Variants in PRKCZ observed in about 807,000 individuals in gnomAD.
PRKCZ encodes the protein protein kinase C zeta type.
PRKCZ carries 33 observed loss-of-function variants against 79.5 expected under a neutral mutation model. The ratio of observed to expected loss-of-function variants is 0.41; its 90% CI spans 0.31 to 0.55. The LOEUF (loss-of-function observed/expected upper bound fraction) is 0.55. Among genes scored for constraint, PRKCZ ranks in the 20% least tolerant of loss-of-function variants. The pLI is 0.19. For missense variants in PRKCZ, 578 were observed against 813.5 expected (o/e 0.71, Z 3.52); for synonymous variants, 342 against 320.9 (o/e 1.07, Z -0.70).
At chr1:2,153,266 C>G (rs529349585) in intron 9 of PRKCZ, among the ~76,000 whole-genome samples, 1 of 152,244 alleles carries the variant, frequency 6.6e-6, no homozygotes, top group African/African-American at 2.4e-5. Context: ...TGGTCTTTTG[C>G]TTTCATTCCT....
rs534994086 is a variant in PRKCZ, at chr1:2,104,783, C to T, written c.335-30479C>T. On this transcript the variant is annotated intron_variant, in intron 4 of 17. Coordinates refer to ENST00000378567, the MANE Select transcript of PRKCZ (RefSeq NM_002744.6). ...GCCTGCGGGGCTCACTGCTGCCCCCCGGGGCCGAGCACGAAAGGGAGAGTT... is the reference window on the plus strand; with the variant it reads ...GCCTGCGGGGCTCACTGCTGCCCCCTGGGGCCGAGCACGAAAGGGAGAGTT... 80 of 985,914 alleles carry T rather than the reference C, an allele frequency of 8.1e-5. 1 individual carries two copies. The highest frequency in any genetic ancestry group is 5.7e-4 in the East Asian group (5 of 8,808). The allele number at this position is 985,914 out of a possible 1,614,324, so 61.1% of individuals were successfully genotyped here.
chr1:2,065,152 G>T (rs963348381), intron 4 of PRKCZ, among the ~76,000 whole-genome samples: 5 of 152,136 alleles, frequency 3.3e-5, no homozygotes, highest in South Asian at 2.1e-4. Flanking sequence ...GTTGTTTATT[G>T]TAAGTGTATA....
intron 4 of PRKCZ, among the ~76,000 whole-genome samples, chr1:2,129,579 C>T (rs1448627464): frequency 1.3e-5 from 2 of 152,170 alleles, no homozygotes; most frequent in African/African-American, 2.4e-5. Context: ...GCCATGGATC[C>T]TGTCTCATTA....
Position 2,127,372 on chromosome 1 carries a change from A to G in PRKCZ, c.335-7890A>G, listed in dbSNP as rs1439821304. On this transcript the variant is annotated intron_variant, in intron 4 of 17. Coordinates refer to ENST00000378567, the MANE Select transcript of PRKCZ (RefSeq NM_002744.6). The surrounding 1 kb of genome is among the most constrained non-coding windows in gnomAD (Gnocchi z 5.1). ...CTTGCGATCCGGGCAGGTCCCTCAG[A>G]TGGAGGGGCTGCACCTCCACTGCCC... is the stretch of plus-strand genomic sequence containing the variant. Among the ~76,000 whole-genome samples, 1 of 152,096 alleles carries G rather than the reference A, an allele frequency of 6.6e-6. No homozygotes were observed.
intron 4 of PRKCZ, among the ~76,000 whole-genome samples, chr1:2,114,991 C>T (rs896527675): frequency 2.0e-5 from 3 of 152,272 alleles, no homozygotes; most frequent in South Asian, 2.1e-4. Flanking sequence ...CAAACTGCAC[C>T]GCGTCACATA....
At chr1:2,073,821 C>T (rs562894013) in intron 4 of PRKCZ, 53 of 1,033,816 alleles carry the variant, frequency 5.1e-5, no homozygotes, top group South Asian at 1.1e-4. Flanking sequence ...GGGCCGGAGG[C>T]GAGCCGACGC....
intron 4 of PRKCZ, among the ~76,000 whole-genome samples, chr1:2,070,037 C>G (rs760161125): frequency 6.6e-6 from 1 of 152,186 alleles, no homozygotes; most frequent in African/African-American, 2.4e-5. Context: ...GTCAGCTGGA[C>G]CAGGCCTCCG....
chr1:2,079,067 C>A (rs1350472580), intron 4 of PRKCZ, among the ~76,000 whole-genome samples: 1 of 152,198 alleles, frequency 6.6e-6, no homozygotes, highest in East Asian at 1.9e-4. Context: ...TGGTCTCGAT[C>A]TTCTGACCTT....
Position 2,168,799 on chromosome 1 carries a change from C to G in PRKCZ, c.975-719C>G. The G allele has an allele frequency of 5.1e-6, 1 of 196,868 alleles. No homozygotes were observed. Among genetic ancestry groups the G allele is most frequent in the Non-Finnish European group, 1.1e-5 (1 of 93,226 alleles). 12.2% of individuals were successfully genotyped at this position (196,868 alleles called of 1,614,324 possible). A position where few individuals can be genotyped will look rare whatever the true frequency, so the allele number is the denominator to read the frequency against. Reference sequence around the variant, plus strand: ...ATTCAGGTGCCAGAGGAGCCGCTGACCTAAAAAAACCCGCCACAGGGTATT... The same window carrying G: ...ATTCAGGTGCCAGAGGAGCCGCTGAGCTAAAAAAACCCGCCACAGGGTATT... On this transcript the variant is annotated intron_variant, in intron 10 of 17. Coordinates refer to ENST00000378567, the MANE Select transcript of PRKCZ (RefSeq NM_002744.6). The surrounding 1 kb of genome is among the most constrained non-coding windows in gnomAD (Gnocchi z 4.7).
intron 1 of PRKCZ, 141 bp from the exon 2 acceptor site, chr1:2,055,300 G>A (rs918968978): frequency 2.9e-6 from 3 of 1,038,772 alleles, no homozygotes; most frequent in African/African-American, 3.3e-5. Context: ...TGTGTGGGAG[G>A]GGGGAGGGGG....
chr1:2,181,488 C>T (rs908720196), intron 16 of PRKCZ, among the ~76,000 whole-genome samples: 2 of 152,178 alleles, frequency 1.3e-5, no homozygotes, highest in Non-Finnish European at 2.9e-5. Flanking sequence ...GAGGCCAGGA[C>T]GTCCATGGGT....
chr1:2,076,300 G>T (rs551687654), intron 4 of PRKCZ, among the ~76,000 whole-genome samples: 30 of 152,318 alleles, frequency 2.0e-4, no homozygotes, highest in Admixed American at 1.8e-3. Flanking sequence ...CACATGGCAG[G>T]GGGAAGTGGA....
intron 5 of PRKCZ, among the ~76,000 whole-genome samples, chr1:2,137,941 G>A (rs879397404): frequency 6.6e-6 from 1 of 152,232 alleles, no homozygotes; most frequent in Non-Finnish European, 1.5e-5. Flanking sequence ...TGGCCCGAAA[G>A]CCTGCAACCT....
Position 2,052,811 on chromosome 1 carries a change from G to A in PRKCZ, c.71+2110G>A, listed in dbSNP as rs554835902. 2.6e-5 allele frequency among the ~76,000 whole-genome samples: 4 copies of A among 152,314 alleles called. No individual in the cohort carries two copies. The South Asian group carries it at 6.2e-4, about 24-fold the overall frequency. ...TCCCTGGGGTGAGACGCTGCTGTCC[G>A]TGGGGGTAGCTGAGCGTGGACACGT... is the stretch of plus-strand genomic sequence containing the variant. On this transcript the variant is annotated intron_variant, in intron 1 of 17. Coordinates refer to ENST00000378567, the MANE Select transcript of PRKCZ (RefSeq NM_002744.6).
At chr1:2,069,712 G>A (rs886074514) in intron 4 of PRKCZ, among the ~76,000 whole-genome samples, 6 of 152,288 alleles carry the variant, frequency 3.9e-5, no homozygotes, top group South Asian at 4.1e-4. Flanking sequence ...TGGCTCCTCC[G>A]TGTTGGCTCC....
intron 4 of PRKCZ, among the ~76,000 whole-genome samples, chr1:2,067,209 G>A (rs946083347): frequency 6.6e-6 from 1 of 152,024 alleles, no homozygotes; most frequent in Non-Finnish European, 1.5e-5. Flanking sequence ...TCTGGAAAAC[G>A]TCCCGTGTGC....
chr1:2,158,988 C>T (rs181560378), intron 10 of PRKCZ, among the ~76,000 whole-genome samples: 5 of 151,906 alleles, frequency 3.3e-5, no homozygotes, highest in African/African-American at 4.8e-5. Context: ...TGCAGTGGCA[C>T]GATCTCGGCT....
At chr1:2,137,582 A>G (rs1571734480) in intron 5 of PRKCZ, among the ~76,000 whole-genome samples, 3 of 145,366 alleles carry the variant, frequency 2.1e-5, no homozygotes, top group East Asian at 1.9e-4. Context: ...CCGTCTCCAC[A>G]TGGCCTCCTC....
intron 4 of PRKCZ, among the ~76,000 whole-genome samples, chr1:2,100,755 G>A (rs1215918808): frequency 6.6e-6 from 1 of 152,172 alleles, no homozygotes; most frequent in African/African-American, 2.4e-5. Flanking sequence ...TGAGCAGGTG[G>A]GGTCTGCAGA....
Sources: allele counts gnomAD v4.1 joint callset (sites outside exome capture counted in the v4.1 genomes callset), GRCh38; gene constraint gnomAD v4.1.1; non-coding constraint Gnocchi (gnomAD v3.1); transcripts MANE v1.5; gene names NCBI Gene and HGNC (gene_info 2026-07-23, HGNC 2026-07-21).